MYCBP2: variants seen among roughly 807,000 people sequenced by gnomAD.
MYCBP2 encodes E3 ubiquitin-protein ligase MYCBP2.
In MYCBP2, 120 loss-of-function variants were observed where a neutral mutation model predicts 525.3. The ratio of observed to expected loss-of-function variants is 0.23; its 90% CI spans 0.20 to 0.27. The LOEUF (loss-of-function observed/expected upper bound fraction) is 0.27, where lower values mean the gene tolerates loss of function less well. Among genes scored for constraint, MYCBP2 ranks in the 10% least tolerant of loss-of-function variants. The pLI is 1.00. For synonymous variants in MYCBP2, 1,894 were observed against 1,955.8 expected (o/e 0.97, Z 0.83); for missense variants, 4,149 against 5,657.1 (o/e 0.73, Z 8.55).
intron 80 of MYCBP2, 91 bp from the exon 81 acceptor site, chr13:77,052,009 G>A: frequency 1.0e-6 from 1 of 978,778 alleles, no homozygotes; most frequent in Middle Eastern, 2.1e-4. Context: ...TAAGATCTAG[G>A]GGTTTTAGAA....
At chr13:77,126,095 AT>A (rs1438910633) in intron 53 of MYCBP2, among the ~76,000 whole-genome samples, 1 of 152,228 alleles carries the variant, frequency 6.6e-6, no homozygotes, top group African/African-American at 2.4e-5. Flanking sequence ...ACATTTATAT[AT>A]ACAATACAAA....
intron 65 of MYCBP2, chr13:77,080,412 G>A (rs2043101593): frequency 6.6e-6 from 1 of 152,078 alleles, no homozygotes; most frequent in Admixed American, 6.5e-5. Flanking sequence ...CCATTCTGAG[G>A]AAAAAAATTC....
At chr13:77,079,814 A>G (rs535934386) in intron 65 of MYCBP2, among the ~76,000 whole-genome samples, 97 of 152,324 alleles carry the variant, frequency 6.4e-4, no homozygotes, top group African/African-American at 2.3e-3. Context: ...CTGTGTTCAA[A>G]AAGTTTCAGA....
chr13:77,151,673 A>T (rs2056475137), intron 46 of MYCBP2, among the ~76,000 whole-genome samples: 1 of 152,232 alleles, frequency 6.6e-6, no homozygotes, highest in Admixed American at 6.5e-5. Context: ...TCTTATAAAA[A>T]TACCTTTTAG....
At chr13:77,052,289 C>T (rs950988165) in intron 80 of MYCBP2, among the ~76,000 whole-genome samples, 1 of 152,118 alleles carries the variant, frequency 6.6e-6, no homozygotes, top group Non-Finnish European at 1.5e-5. Context: ...GCCTCAACCT[C>T]TTGGGCTCAG....
chr13:77,242,574 C>T (rs1180590800), intron 17 of MYCBP2, among the ~76,000 whole-genome samples: 1 of 152,120 alleles, frequency 6.6e-6, no homozygotes, highest in Non-Finnish European at 1.5e-5. Context: ...CACATGAAAG[C>T]ATAGTTATGT....
In MYCBP2 at chr13:77,098,325, T is replaced by G. The variant is rs769218044; in HGVS notation, c.8829A>C (p.Thr2943=). The part of the protein sequence containing the change: ...VEVCTSSTLK[T]NSLTDSTCDD... ...CGCAGGTGCTGTCTGTTAGACTATT[T>G]GTTTTTAAAGTACTTGAGGTGCAGA... Residue 2943 remains threonine, a synonymous_variant, in exon 56 of 83, where the codon ACA becomes ACC. Coordinates refer to ENST00000544440, the MANE Select transcript of MYCBP2 (RefSeq NM_015057.5). 4.3e-6 allele frequency: 7 copies of G among 1,611,722 alleles called. No homozygotes were observed. The East Asian group carries it at 1.6e-4, about 36-fold the overall frequency.
intron 1 of MYCBP2, among the ~76,000 whole-genome samples, chr13:77,307,625 CAAAA>C (rs763388200): frequency 7.8e-3 from 234 of 30,086 alleles, no homozygotes; most frequent in Non-Finnish European, 0.011. Flanking sequence ...GACCCTGTCT[CAAAA>C]AAAAAAAAAA....
At chr13:77,070,561 G>GACAA (rs1467599498) in intron 69 of MYCBP2, 70 bp downstream of exon 69, 112 of 1,130,018 alleles carry the variant, frequency 9.9e-5, no homozygotes, top group Admixed American at 5.5e-4. Flanking sequence ...CAAACAAACA[G>GACAA]ACAAACAAAC....
chr13:77,260,400 ATAAAAG>A (rs772364416), intron 13 of MYCBP2, 22 bp downstream of exon 13: 37 of 1,508,472 alleles, frequency 2.5e-5, no homozygotes, highest in Admixed American at 4.7e-5. Flanking sequence ...ACTTCTTTGC[ATAAAAG>A]TAAAACTTTT....
intron 72 of MYCBP2, 139 bp downstream of exon 72, chr13:77,065,853 G>A: frequency 2.0e-6 from 1 of 511,470 alleles, no homozygotes; most frequent in Non-Finnish European, 3.4e-6. Context: ...AAGACAAACA[G>A]CATGATAGTT....
intron 19 of MYCBP2, 72 bp from the exon 20 acceptor site, chr13:77,224,604 G>A: frequency 1.1e-6 from 1 of 921,766 alleles, no homozygotes; most frequent in Non-Finnish European, 1.7e-6. Context: ...TATACTAAAA[G>A]CAGTGTAATT....
rs559588479 is a variant in MYCBP2, at chr13:77,302,816, A to G, written c.303-6142T>C. Among the ~76,000 whole-genome samples, 31 of 152,348 alleles carry G rather than the reference A, an allele frequency of 2.0e-4. No individual in the cohort carries two copies. The South Asian group carries it at 3.5e-3, about 17-fold the overall frequency. On this transcript the variant is annotated intron_variant, in intron 1 of 82. Transcript: ENST00000544440. ...AAGGCAACAGTATTAAAAGAAATGAAAAGAGCATTTCTAAATGGCAAAAGG... is the reference window on the plus strand; with the variant it reads ...AAGGCAACAGTATTAAAAGAAATGAGAAGAGCATTTCTAAATGGCAAAAGG...
At position 77,058,274 on chromosome 13, in the gene MYCBP2, C is replaced by T. The variant is rs941096147; in HGVS notation, c.13273G>A (p.Asp4425Asn). The change falls in exon 78 of 83, where the codon GAT (aspartate) becomes AAT (asparagine). Residue 4425 changes from aspartate (D) to asparagine (N), a missense_variant. Transcript: ENST00000544440. This position sits in a 1 kb window ranked among gnomAD's most constrained non-coding sequence, Gnocchi z 4.1. ...KSATSLKQDA[D>N]DMCMICFTEA... is the part of the protein sequence containing the mutation. Reference sequence around the variant, plus strand: ...GTGAAACATATCATGCACATGTCATCGGCGTCTTGCTTCAGGCTTGTGGCA... The same window carrying T: ...GTGAAACATATCATGCACATGTCATTGGCGTCTTGCTTCAGGCTTGTGGCA... The T allele has an allele frequency of 2.5e-6, 4 of 1,614,080 alleles. No individual in the cohort carries two copies. Among genetic ancestry groups the T allele is most frequent in the African/African-American group, 1.3e-5 (1 of 74,908 alleles).
At position 77,087,545 on chromosome 13, in the gene MYCBP2, G is replaced by A. The variant is rs771458249; in HGVS notation, c.10814C>T (p.Pro3605Leu). The A allele has an allele frequency of 1.2e-6, 2 of 1,613,062 alleles. No homozygotes were observed. The highest frequency in any genetic ancestry group is 2.2e-5 in the South Asian group (2 of 91,030). The part of the protein sequence containing the change: ...WHFVASLTPA[P>L]VEPEEEEDEE... ...ATCCTCTTCTTCCTCTGGTTCCACT[G>A]GTGCAGGAGTCAGTGATGCCACAAA... Residue 3605 changes from proline to leucine, a missense_variant, in exon 62 of 83, where the codon CCA becomes CTA. By Grantham distance (98) the Pro-to-Leu change is moderately conservative. Around this residue, in one of 21 missense-constraint regions of MYCBP2, gnomAD observed 509 missense variants for 789.4 expected, o/e 0.64. Coordinates refer to ENST00000544440, the MANE Select transcript of MYCBP2 (RefSeq NM_015057.5).
chr13:77,110,514 C>G (rs913999974), intron 55 of MYCBP2, among the ~76,000 whole-genome samples: 8 of 152,156 alleles, frequency 5.3e-5, no homozygotes, highest in Non-Finnish European at 7.3e-5. Context: ...GCCTTGTGAT[C>G]TTTGCTTTGC....
Position 77,062,635 on chromosome 13 carries a change from C to T in MYCBP2, c.12735G>A (p.Ser4245=), listed in dbSNP as rs41287042. The T allele has an allele frequency of 2.3e-5, 37 of 1,614,120 alleles. 1 individual carries two copies. Among genetic ancestry groups the T allele is most frequent in the East Asian group, 4.5e-5 (2 of 44,880 alleles). The change falls in exon 74 of 83, where the codon TCG becomes TCA. Residue 4245 remains serine (S), a synonymous_variant. Coordinates refer to ENST00000544440, the MANE Select transcript of MYCBP2 (RefSeq NM_015057.5). ...LDQDHVDRLS[S]GRWMGKDGQQ... is the part of the protein sequence containing the mutation. ...GTCCATCCTTTCCCATCCATCTCCC[C>T]GAGGAGAGACGATCTACGTGGTCCT...
Position 77,129,260 on chromosome 13 carries a change from A to G in MYCBP2, c.7660-2718T>C, listed in dbSNP as rs190208934. 4.0e-5 allele frequency: 16 copies of G among 397,364 alleles called. No individual in the cohort carries two copies. In the East Asian group the frequency reaches 5.7e-4, roughly 14 times the overall value. 24.6% of individuals were successfully genotyped at this position (397,364 alleles called of 1,614,324 possible). ...GCAACAAAGTTTAAGAAAGAAAAAT[A>G]TCAACAAAGAAAGGGAACAGGATAT... is the stretch of plus-strand genomic sequence containing the variant. On this transcript the variant is annotated intron_variant, in intron 52 of 82. Transcript: ENST00000544440.
intron 2 of MYCBP2, among the ~76,000 whole-genome samples, chr13:77,289,629 G>A (rs1044880157): frequency 6.6e-6 from 1 of 152,022 alleles, no homozygotes; most frequent in African/African-American, 2.4e-5. Context: ...CTCTAAGATT[G>A]TGATCCAGGC....
Sources: allele counts gnomAD v4.1 joint callset (sites outside exome capture counted in the v4.1 genomes callset), GRCh38; gene constraint gnomAD v4.1.1; regional missense constraint gnomAD v4.1.1; non-coding constraint Gnocchi (gnomAD v3.1); transcripts MANE v1.5; gene names NCBI Gene and HGNC (gene_info 2026-07-23, HGNC 2026-07-21).